FAT3: variants seen among roughly 807,000 people sequenced by gnomAD.
FAT3 encodes FAT atypical cadherin 3.
Under a neutral mutation model 310.2 loss-of-function variants are expected in FAT3, and 95 were observed. That is an observed-to-expected ratio of 0.31 (90% CI 0.26 to 0.36). The LOEUF (loss-of-function observed/expected upper bound fraction) is 0.36, where lower values mean the gene tolerates loss of function less well. Among genes scored for constraint, FAT3 ranks in the 10% least tolerant of loss-of-function variants. FAT3 has a pLI of 1.00. For synonymous variants in FAT3, 2,314 were observed against 2,192.9 expected (o/e 1.06, Z -1.54); for missense variants, 5,408 against 5,715.6 (o/e 0.95, Z 1.74).
chr11:92,580,442 T>A (rs972826418), intron 3 of FAT3, among the ~76,000 whole-genome samples: 1 of 152,094 alleles, frequency 6.6e-6, no homozygotes, highest in African/African-American at 2.4e-5. Context: ...AATCCTTTCC[T>A]CACCCACAAT....
At chr11:92,503,506 T>C (rs1297591331) in intron 2 of FAT3, among the ~76,000 whole-genome samples, 1 of 152,072 alleles carries the variant, frequency 6.6e-6, no homozygotes, top group Non-Finnish European at 1.5e-5. Flanking sequence ...AGGAAACAGG[T>C]ACCTAGAAGA....
intron 21 of FAT3, among the ~76,000 whole-genome samples, chr11:92,862,901 G>A (rs1949155432): frequency 6.6e-6 from 1 of 152,130 alleles, no homozygotes; most frequent in Non-Finnish European, 1.5e-5. Flanking sequence ...TGCTCAAAGT[G>A]ACAGCCAGTC....
At chr11:92,816,033 C>A (rs747104762) in intron 13 of FAT3, among the ~76,000 whole-genome samples, 4 of 152,192 alleles carry the variant, frequency 2.6e-5, no homozygotes, top group Admixed American at 6.5e-5. Context: ...CATGTGGGAA[C>A]ATTACAATGT....
chr11:92,501,191 T>G (rs1952928027), intron 2 of FAT3, among the ~76,000 whole-genome samples: 1 of 152,042 alleles, frequency 6.6e-6, no homozygotes, highest in African/African-American at 2.4e-5. Context: ...ACCATCAAAC[T>G]AGAAAGTCTT....
intron 2 of FAT3, among the ~76,000 whole-genome samples, chr11:92,361,074 T>C (rs927140532): frequency 6.6e-6 from 1 of 152,146 alleles, no homozygotes; most frequent in African/African-American, 2.4e-5. Flanking sequence ...CCCCAGACTC[T>C]GGGGGAACAG....
At chr11:92,811,400 A>G (rs2136214912) in intron 13 of FAT3, among the ~76,000 whole-genome samples, 1 of 151,870 alleles carries the variant, frequency 6.6e-6, no homozygotes, top group East Asian at 1.9e-4. Context: ...ACACTCCATG[A>G]AGGAATTGAG....
At chr11:92,822,582 G>A (rs16918132) in intron 13 of FAT3, among the ~76,000 whole-genome samples, 3,796 of 152,216 alleles carry the variant, frequency 0.025, 155 homozygotes, top group African/African-American at 0.086. Flanking sequence ...TGACAGGCAC[G>A]ATTATGTTGT....
chr11:92,521,051 C>A (rs1310183282), intron 2 of FAT3, among the ~76,000 whole-genome samples: 1 of 152,052 alleles, frequency 6.6e-6, no homozygotes, highest in Non-Finnish European at 1.5e-5. Context: ...TACCATCTTC[C>A]TGTTTGACAA....
chr11:92,367,983 T>C (rs530348399), intron 2 of FAT3, among the ~76,000 whole-genome samples: 2 of 152,332 alleles, frequency 1.3e-5, no homozygotes, highest in East Asian at 3.9e-4. Context: ...AAGAACAAAA[T>C]TGTGTTTGTT....
chr11:92,720,823 C>G (rs1487612785), intron 4 of FAT3, among the ~76,000 whole-genome samples: 1 of 152,092 alleles, frequency 6.6e-6, no homozygotes, highest in Admixed American at 6.5e-5. Context: ...GCTTCAAATT[C>G]AAAATATGGT....
chr11:92,840,769 C>T lies in FAT3; in HGVS notation c.10566+10C>T, dbSNP rs1203211885. ...CGTGTTGTGTGTCCAGGTATGGCAT[C>T]GCACTCTGTCTCCGTCGTGCTGTCT... On this transcript the variant is annotated intron_variant, in intron 18 of 27. Coordinates refer to ENST00000525166, the MANE Select transcript of FAT3 (RefSeq NM_001367949.2). 6 of 1,546,636 alleles carry T rather than the reference C, an allele frequency of 3.9e-6. No individual in the cohort carries two copies. Among genetic ancestry groups the T allele is most frequent in the Admixed American group, 3.5e-5 (2 of 57,720 alleles).
chr11:92,845,105 T>A (rs1460924099), intron 19 of FAT3, among the ~76,000 whole-genome samples: 1 of 152,104 alleles, frequency 6.6e-6, no homozygotes, highest in Admixed American at 6.5e-5. Context: ...GCAGCTTGCA[T>A]GAGGAAGGCT....
At chr11:92,683,271 A>G (rs531286699) in intron 3 of FAT3, among the ~76,000 whole-genome samples, 3 of 152,284 alleles carry the variant, frequency 2.0e-5, no homozygotes, top group Admixed American at 1.3e-4. Context: ...CTGAAAGTTA[A>G]GAGAGCTGAC....
At chr11:92,574,067 T>C (rs1413321004) in intron 3 of FAT3, among the ~76,000 whole-genome samples, 1 of 152,108 alleles carries the variant, frequency 6.6e-6, no homozygotes, top group African/African-American at 2.4e-5. Context: ...CATCGAAATA[T>C]CACAAGGGCC....
At position 92,809,863 on chromosome 11, in the gene FAT3, C is replaced by T. The variant is rs781127055; in HGVS notation, c.9268C>T (p.Leu3090=). 6.2e-7 allele frequency: 1 copy of T among 1,613,740 alleles called. No homozygotes were observed. The highest frequency in any genetic ancestry group is 1.7e-5 in the Admixed American group (1 of 60,006). The change falls in exon 13 of 28, where the codon CTG becomes TTG. Residue 3090 remains leucine (L), a synonymous_variant. Transcript: ENST00000525166. ...PESGELKTLA[L]LDRERIPVYS... is the part of the protein sequence containing the mutation. ...CACAGGCGAGTTAAAAACCTTGGCT[C>T]TGTTGGACCGGGAGAGGATCCCCGT...
In FAT3 at chr11:92,707,739, ACACT is replaced by A. The variant is rs553518200; in HGVS notation, c.3669+10296_3669+10299del. Among the ~76,000 whole-genome samples, 378 of 152,272 alleles carry A rather than the reference ACACT, an allele frequency of 2.5e-3. 1 individual carries two copies. The highest frequency in any genetic ancestry group is 3.4e-3 in the Middle Eastern group (1 of 294). On this transcript the variant is annotated intron_variant, in intron 4 of 27. Transcript: ENST00000525166. ...GCTTTCCTAGTTTATTTTATGACAC[ACACT>A]CTCTGAGCTACAGAATGATCTGTCC...
At chr11:92,733,031 C>T (rs771301427) in intron 4 of FAT3, among the ~76,000 whole-genome samples, 44 of 152,284 alleles carry the variant, frequency 2.9e-4, no homozygotes, top group Non-Finnish European at 5.7e-4. Flanking sequence ...GTAAGAACAG[C>T]AGGCTTGCTG....
rs574269745 is a variant in FAT3, at chr11:92,270,433, T to G, written c.-18+45259T>G. Among the ~76,000 whole-genome samples the G allele has an allele frequency of 1.1e-4, 17 of 151,930 alleles. No individual in the cohort carries two copies. The East Asian group carries it at 2.3e-3, about 21-fold the overall frequency. The stretch of plus-strand genomic sequence containing the variant: ...GTGGCTCACACCTGTAATCCCAGCA[T>G]TTTGGGAGGCAGAGGCGGGTGTATC... On this transcript the variant is annotated intron_variant, in intron 1 of 27. Transcript: ENST00000525166.
At chr11:92,858,788 G>A (rs746279205) in intron 20 of FAT3, among the ~76,000 whole-genome samples, 27 of 152,104 alleles carry the variant, frequency 1.8e-4, no homozygotes, top group African/African-American at 3.1e-4. Flanking sequence ...GAAAGTTCTC[G>A]AATGCCTAAG....
Sources: gnomAD v4.1 joint callset for allele counts (sites outside exome capture counted in the v4.1 genomes callset) on GRCh38, gnomAD v4.1.1 for gene constraint, MANE v1.5 for transcripts, NCBI Gene and HGNC (gene_info 2026-07-23, HGNC 2026-07-21) for gene names.